Variants in EYA1 observed in about 807,000 individuals in gnomAD.
EYA1 encodes the protein protein phosphatase EYA1.
In EYA1, 16 loss-of-function variants were observed where a neutral mutation model predicts 82.0. The observed-to-expected ratio is 0.20, with a 90% confidence interval of 0.13 to 0.30. The LOEUF is 0.30. Among genes scored for constraint, EYA1 ranks in the 10% least tolerant of loss-of-function variants. The pLI is 1.00. For synonymous variants in EYA1, 261 were observed against 264.4 expected (o/e 0.99, Z 0.12); for missense variants, 633 against 730.7 (o/e 0.87, Z 1.54).
intron 2 of EYA1, among the ~76,000 whole-genome samples, chr8:71,399,773 G>C (rs900544527): frequency 6.6e-6 from 1 of 152,136 alleles, no homozygotes; most frequent in Non-Finnish European, 1.5e-5. Context: ...CCATTGAAAT[G>C]CTTCACAGGA....
At chr8:71,277,038 T>A (rs1287305957) in intron 9 of EYA1, among the ~76,000 whole-genome samples, 2 of 151,350 alleles carry the variant, frequency 1.3e-5, no homozygotes, top group Non-Finnish European at 2.9e-5. Context: ...CTACCCTCTC[T>A]TCATAGTCTA....
At chr8:71,389,037 G>C (rs1829126203) in intron 2 of EYA1, among the ~76,000 whole-genome samples, 1 of 151,502 alleles carries the variant, frequency 6.6e-6, no homozygotes, top group Admixed American at 6.6e-5. Flanking sequence ...CTTGCTCTCA[G>C]GACTTTACCA....
intron 2 of EYA1, among the ~76,000 whole-genome samples, chr8:71,389,406 G>A (rs1829147091): frequency 6.6e-6 from 1 of 152,042 alleles, no homozygotes; most frequent in African/African-American, 2.4e-5. Flanking sequence ...CAATATGCAG[G>A]TGAAATGAGA....
intron 7 of EYA1, among the ~76,000 whole-genome samples, chr8:71,311,821 A>G (rs1586305212): frequency 6.6e-6 from 1 of 152,330 alleles, no homozygotes; most frequent in African/African-American, 2.4e-5. Context: ...AGATTTCCCA[A>G]TCACTGAGGT....
intron 17 of EYA1, among the ~76,000 whole-genome samples, chr8:71,201,828 G>T (rs1432380194): frequency 2.6e-5 from 4 of 151,826 alleles, no homozygotes; most frequent in African/African-American, 4.8e-5. Context: ...CCACCTACTT[G>T]GTATCTATTT....
At chr8:71,458,673 G>C (rs1399063382) in intron 2 of EYA1, among the ~76,000 whole-genome samples, 1 of 152,170 alleles carries the variant, frequency 6.6e-6, no homozygotes, top group Admixed American at 6.6e-5. Context: ...GGGACTCCAA[G>C]GTTGAGAGCT....
chr8:71,493,766 G>A (rs1233389213), intron 2 of EYA1, among the ~76,000 whole-genome samples: 2 of 151,474 alleles, frequency 1.3e-5, no homozygotes, highest in African/African-American at 4.8e-5. Flanking sequence ...GCTCACGCCT[G>A]TAATCCCAGC....
At chr8:71,338,790 G>A (rs4738129) in intron 3 of EYA1, among the ~76,000 whole-genome samples, 22,912 of 152,226 alleles carry the variant, frequency 0.15, 2,006 homozygotes, top group East Asian at 0.35. Flanking sequence ...AATAATTCAC[G>A]CTGCAACGCG....
chr8:71,365,726 T>C (rs7814784), upstream of EYA1, among the ~76,000 whole-genome samples: 129,872 of 152,060 alleles, frequency 0.85, 55,534 homozygotes, highest in Middle Eastern at 0.9. Flanking sequence ...ATGATCCTTG[T>C]TGGCATTCTG....
At position 71,197,771 on chromosome 8, in the gene EYA1, A is replaced by G. The variant is rs1434841245; in HGVS notation, c.*1569T>C. On this transcript the variant is annotated 3_prime_UTR_variant, in exon 18 of 18. Coordinates refer to ENST00000340726, the MANE Select transcript of EYA1 (RefSeq NM_000503.6). Reference sequence around the variant, plus strand: ...AGCTGGTGTTTTTCCCGCCCAATATATGATTGATTAAAGAAGACTCATCCT... The same window carrying G: ...AGCTGGTGTTTTTCCCGCCCAATATGTGATTGATTAAAGAAGACTCATCCT... 1 of 152,604 alleles carries G rather than the reference A, an allele frequency of 6.6e-6. No individual in the cohort carries two copies. Among genetic ancestry groups the G allele is most frequent in the Non-Finnish European group, 1.5e-5 (1 of 68,036 alleles). 9.5% of individuals were successfully genotyped at this position (152,604 alleles called of 1,614,324 possible).
intron 9 of EYA1, among the ~76,000 whole-genome samples, chr8:71,296,212 C>T (rs893618052): frequency 6.6e-6 from 1 of 151,960 alleles, no homozygotes; most frequent in Non-Finnish European, 1.5e-5. Context: ...TTAAAATATC[C>T]ATCCAAAGGG....
At chr8:71,222,479 A>G (rs1810050164) in intron 12 of EYA1, among the ~76,000 whole-genome samples, 1 of 152,196 alleles carries the variant, frequency 6.6e-6, no homozygotes. Context: ...GAGATTCATC[A>G]TCCCTTGATA....
chr8:71,240,736 C>T (rs1363062840), intron 12 of EYA1, among the ~76,000 whole-genome samples: 1 of 152,182 alleles, frequency 6.6e-6, no homozygotes, highest in Admixed American at 6.5e-5. Flanking sequence ...TTATTTAGAC[C>T]TGTATCCATC....
At chr8:71,524,452 C>G (rs1284055851) in intron 2 of EYA1, among the ~76,000 whole-genome samples, 3 of 152,050 alleles carry the variant, frequency 2.0e-5, no homozygotes. Flanking sequence ...CATTTTTAGG[C>G]TTGTAAAATA....
chr8:71,466,317 G>C (rs1261400120), intron 2 of EYA1, among the ~76,000 whole-genome samples: 1 of 152,034 alleles, frequency 6.6e-6, no homozygotes, highest in African/African-American at 2.4e-5. Context: ...TGTTTATTCA[G>C]TAGAACTCTG....
rs889373488 is a variant in EYA1 at position 71,277,896 on chromosome 8, A to T, written c.827-5999T>A. ...ATCATTAAGAGCTCATTTAAAAGTT[A>T]ATGTTTATATATTAAGTCATAAAAT... On this transcript the variant is annotated intron_variant, in intron 9 of 17. Coordinates refer to ENST00000340726, the MANE Select transcript of EYA1 (RefSeq NM_000503.6). Among the ~76,000 whole-genome samples the T allele has an allele frequency of 4.6e-5, 7 of 152,248 alleles. No homozygotes were observed. In the South Asian group the frequency reaches 6.2e-4, roughly 14 times the overall value.
intron 12 of EYA1, among the ~76,000 whole-genome samples, chr8:71,227,010 T>C (rs988279051): frequency 7.0e-4 from 107 of 152,232 alleles, no homozygotes; most frequent in African/African-American, 2.4e-3. Context: ...CATTAGTGTT[T>C]GCTGACAATG....
chr8:71,264,328 C>T (rs950403679), intron 11 of EYA1, among the ~76,000 whole-genome samples: 3 of 152,210 alleles, frequency 2.0e-5, no homozygotes, highest in East Asian at 3.9e-4. Flanking sequence ...ATGAAATGGG[C>T]GATATAAACT....
At chr8:71,421,003 T>C (rs1007467769) in intron 2 of EYA1, among the ~76,000 whole-genome samples, 8 of 152,184 alleles carry the variant, frequency 5.3e-5, no homozygotes, top group African/African-American at 1.9e-4. Context: ...GTGGTGGTCA[T>C]GTCCAAATTT....
Sources: gnomAD v4.1 joint callset for allele counts (sites outside exome capture counted in the v4.1 genomes callset) on GRCh38, gnomAD v4.1.1 for gene constraint, MANE v1.5 for transcripts, NCBI Gene and HGNC (gene_info 2026-07-23, HGNC 2026-07-21) for gene names.